The following CLEC2A variants were observed in gnomAD, a reference collection of about 807,000 sequenced individuals.
The protein encoded by CLEC2A is keratinocyte-associated C-type lectin.
CLEC2A carries 19 observed loss-of-function variants against 18.6 expected under a neutral mutation model. The observed-to-expected ratio is 1.02, with a 90% CI of 0.71 to 1.50. The LOEUF (loss-of-function observed/expected upper bound fraction) is 1.50. Among genes scored for constraint, CLEC2A ranks in the 40% most tolerant of loss-of-function variants. The pLI is 0.00. For missense variants in CLEC2A, 190 were observed against 207.9 expected (o/e 0.91, Z 0.53); for synonymous variants, 74 against 64.0 (o/e 1.16, Z -0.75).
rs1261236104 is a variant in CLEC2A at position 9,932,307 on chromosome 12, T to C, written c.23A>G (p.Asp8Gly). 3 of 1,551,982 alleles carry C rather than the reference T, an allele frequency of 1.9e-6. No homozygotes were observed. The highest frequency in any genetic ancestry group is 2.6e-6 in the Non-Finnish European group (3 of 1,146,964). Residue 8 changes from aspartate to glycine, a missense_variant, in exon 1 of 5, where the codon GAT becomes GGT. Asp to Gly is a moderately conservative substitution (Grantham distance 94, BLOSUM62 -1). Transcript: ENST00000455827. Reference protein sequence around the residue: MINPELRDGRADGFIHRI... With the variant: MINPELRGGRADGFIHRI... ...ATGTATGAAGCCATCAGCTCTGCCATCCCGCAGCTCTGGATTAATCATGGC... is the reference window on the plus strand; with the variant it reads ...ATGTATGAAGCCATCAGCTCTGCCACCCCGCAGCTCTGGATTAATCATGGC...
chr12:9,911,974 T>C (rs1344101104), downstream of CLEC2A, among the ~76,000 whole-genome samples: 1 of 152,088 alleles, frequency 6.6e-6, no homozygotes, highest in Non-Finnish European at 1.5e-5. Flanking sequence ...GCACACCAGA[T>C]TGGCTATAGC....
At chr12:9,896,745 T>C (rs560042162), downstream of CLEC2A, among the ~76,000 whole-genome samples, 4 of 152,298 alleles carry the variant, frequency 2.6e-5, no homozygotes, top group African/African-American at 9.6e-5. Context: ...TGAGATGCCA[T>C]CACCACAGCT....
intron 4 of CLEC2A, among the ~76,000 whole-genome samples, chr12:9,914,851 G>A (rs1212138839): frequency 2.6e-5 from 4 of 152,030 alleles, no homozygotes; most frequent in Non-Finnish European, 5.9e-5. Flanking sequence ...AGCCAAAACT[G>A]ACATATGGGA....
At chr12:9,907,545 T>C (rs2137023537) in intron 4 of CLEC2A, among the ~76,000 whole-genome samples, 1 of 152,280 alleles carries the variant, frequency 6.6e-6, no homozygotes, top group South Asian at 2.1e-4. Flanking sequence ...TAACTTCACG[T>C]TCTACAAACT....
At chr12:9,878,858 C>G in the CLEC2A span, among the ~76,000 whole-genome samples, 2 of 152,186 alleles carry the variant, frequency 1.3e-5, no homozygotes, top group East Asian at 1.9e-4. Flanking sequence ...TTGATTTCCT[C>G]TCTTCAAGGT....
At chr12:9,893,326 GA>G in the CLEC2A span, 3 of 826,980 alleles carry the variant, frequency 3.6e-6, no homozygotes, top group Non-Finnish European at 5.4e-6. Flanking sequence ...TAATGTATAT[GA>G]AAAAATATAT....
At chr12:9,919,603 AG>A (rs1300493030) in intron 3 of CLEC2A, among the ~76,000 whole-genome samples, 1 of 152,144 alleles carries the variant, frequency 6.6e-6, no homozygotes, top group Non-Finnish European at 1.5e-5. Context: ...AGCGCTTGCG[AG>A]GGGGGCTGGA....
downstream of CLEC2A, among the ~76,000 whole-genome samples, chr12:9,898,358 T>C (rs1025443448): frequency 6.6e-6 from 1 of 152,176 alleles, no homozygotes; most frequent in Non-Finnish European, 1.5e-5. Flanking sequence ...GATCACCACA[T>C]CCAATCATAT....
chr12:9,893,208 A>G, the CLEC2A span: 3 of 1,509,724 alleles, frequency 2.0e-6, no homozygotes, highest in South Asian at 3.7e-5. Context: ...ACAAGGAAAA[A>G]TGGCTTAGGT....
intron 3 of CLEC2A, among the ~76,000 whole-genome samples, chr12:9,920,457 TC>T (rs1284003004): frequency 6.6e-6 from 1 of 152,144 alleles, no homozygotes; most frequent in Non-Finnish European, 1.5e-5. Flanking sequence ...CAGCATGGGT[TC>T]CAGGGGTTGC....
At chr12:9,897,246 C>T (rs573605493), downstream of CLEC2A, among the ~76,000 whole-genome samples, 14 of 152,190 alleles carry the variant, frequency 9.2e-5, no homozygotes, top group Non-Finnish European at 2.1e-4. Context: ...ATTCACCTTG[C>T]GTAAATGAAA....
Position 9,913,659 on chromosome 12 carries a change from T to C in CLEC2A, c.432A>G (p.Gly144=). ...FNGWFEIIGN[G]SFAFLSADGV... Reference sequence around the variant, plus strand: ...CATCAGCACTCAAGAAAGCAAAGGATCCGTTCCCTATAATTTCAAACCTGA... The same window carrying C: ...CATCAGCACTCAAGAAAGCAAAGGACCCGTTCCCTATAATTTCAAACCTGA... The change falls in exon 5 of 5, where the codon GGA becomes GGG. Residue 144 remains glycine (G), a synonymous_variant. Coordinates refer to ENST00000455827, the MANE Select transcript of CLEC2A (RefSeq NM_001130711.2). The C allele has an allele frequency of 6.5e-7, 1 of 1,548,336 alleles. No individual in the cohort carries two copies. Among genetic ancestry groups the C allele is most frequent in the African/African-American group, 1.4e-5 (1 of 73,076 alleles).
At chr12:9,916,091 AT>A (rs1439846174) in intron 4 of CLEC2A, among the ~76,000 whole-genome samples, 1 of 151,794 alleles carries the variant, frequency 6.6e-6, no homozygotes, top group South Asian at 2.1e-4. Flanking sequence ...AATTAAAAAA[AT>A]AAATATAATA....
intron 1 of CLEC2A, among the ~76,000 whole-genome samples, chr12:9,927,163 A>G (rs1863288550): frequency 6.6e-6 from 1 of 152,174 alleles, no homozygotes; most frequent in Admixed American, 6.5e-5. Flanking sequence ...CTTAGACAGT[A>G]TAGCCTACTA....
downstream of CLEC2A, chr12:9,898,664 T>A (rs1862785064): frequency 6.7e-6 from 3 of 449,316 alleles, no homozygotes; most frequent in Non-Finnish European, 1.2e-5. Context: ...ATGAGGCAAT[T>A]AACTCCTTCA....
chr12:9,895,983 A>G (rs775663249), downstream of CLEC2A: 13 of 699,780 alleles, frequency 1.9e-5, no homozygotes, highest in Non-Finnish European at 2.5e-5. Flanking sequence ...AATTGACTAT[A>G]AAGACAACTT....
At chr12:9,891,707 T>C in the CLEC2A span, among the ~76,000 whole-genome samples, 1,475 of 152,274 alleles carry the variant, frequency 9.7e-3, 18 homozygotes, top group African/African-American at 0.034. Context: ...CATTGGCCAC[T>C]CTTGCCCGGA....
downstream of CLEC2A, among the ~76,000 whole-genome samples, chr12:9,896,918 G>A (rs1447389347): frequency 1.3e-5 from 2 of 148,246 alleles, no homozygotes; most frequent in African/African-American, 2.5e-5. Flanking sequence ...GGAGTGCAGT[G>A]GTGCAATCTT....
chr12:9,884,056 G>A, the CLEC2A span, among the ~76,000 whole-genome samples: 1 of 152,128 alleles, frequency 6.6e-6, no homozygotes, highest in Non-Finnish European at 1.5e-5. Flanking sequence ...TGTAGATTGA[G>A]ATATTAATTA....
Sources: gnomAD v4.1 joint callset for allele counts (sites outside exome capture counted in the v4.1 genomes callset) on GRCh38, gnomAD v4.1.1 for gene constraint, MANE v1.5 for transcripts, NCBI Gene and HGNC (gene_info 2026-07-23, HGNC 2026-07-21) for gene names.